Variants in NELL2 observed in about 807,000 individuals in gnomAD.
The protein encoded by NELL2 is protein kinase C-binding protein NELL2.
NELL2 carries 41 observed loss-of-function variants against 109.6 expected under a neutral mutation model. The ratio of observed to expected loss-of-function variants is 0.37; its 90% CI spans 0.29 to 0.49. The LOEUF (loss-of-function observed/expected upper bound fraction) is 0.49. Among genes scored for constraint, NELL2 ranks in the 20% least tolerant of loss-of-function variants. The pLI, the probability that NELL2 is intolerant of heterozygous loss-of-function variation, is 0.98. For synonymous variants in NELL2, 355 were observed against 344.7 expected (o/e 1.03, Z -0.33); for missense variants, 900 against 1,008.3 (o/e 0.89, Z 1.45).
intron 9 of NELL2, among the ~76,000 whole-genome samples, chr12:44,755,746 C>T (rs1940861324): frequency 6.6e-6 from 1 of 152,100 alleles, no homozygotes; most frequent in African/African-American, 2.4e-5. Flanking sequence ...CTGATGAGCC[C>T]TCAACTATCC....
At chr12:44,800,620 G>C (rs115538838) in intron 3 of NELL2, among the ~76,000 whole-genome samples, 2,199 of 152,238 alleles carry the variant, frequency 0.014, 50 homozygotes, top group African/African-American at 0.05. Context: ...CAAAGCCCCT[G>C]AATGTCCTAT....
intron 13 of NELL2, among the ~76,000 whole-genome samples, chr12:44,637,298 T>A (rs1051187480): frequency 2.6e-5 from 4 of 151,280 alleles, no homozygotes; most frequent in Non-Finnish European, 5.9e-5. Flanking sequence ...GCTTTTGAAT[T>A]TGTTTGCTCT....
chr12:44,606,945 T>C (rs1945427248), intron 15 of NELL2, among the ~76,000 whole-genome samples: 1 of 152,142 alleles, frequency 6.6e-6, no homozygotes, highest in Non-Finnish European at 1.5e-5. Context: ...AAGTTCAATA[T>C]GCGTCTAGTT....
chr12:44,828,336 G>A (rs1943780445), intron 2 of NELL2, among the ~76,000 whole-genome samples: 1 of 151,982 alleles, frequency 6.6e-6, no homozygotes, highest in African/African-American at 2.4e-5. Context: ...TACTGGTTTA[G>A]GAGAGAACAA....
At chr12:44,657,578 C>T (rs1198539377) in intron 13 of NELL2, among the ~76,000 whole-genome samples, 1 of 152,130 alleles carries the variant, frequency 6.6e-6, no homozygotes, top group Admixed American at 6.5e-5. Flanking sequence ...TTGCTGCACC[C>T]ATCAACCCGT....
chr12:44,844,998 C>G (rs1012417732), intron 2 of NELL2, among the ~76,000 whole-genome samples: 2 of 152,064 alleles, frequency 1.3e-5, no homozygotes, highest in South Asian at 4.1e-4. Context: ...TTTTACATAC[C>G]CTTTTAATCC....
In NELL2 at chr12:44,585,423, G is replaced by A. The variant is rs886827753; in HGVS notation, c.1663+21746C>T. Reference sequence around the variant, plus strand: ...TCGAGACCACCCTGGCCAACATGGCGAAACTCCTTCTTTACTAAAAATACA... The same window carrying A: ...TCGAGACCACCCTGGCCAACATGGCAAAACTCCTTCTTTACTAAAAATACA... On this transcript the variant is annotated intron_variant, in intron 15 of 19. Transcript: ENST00000429094. 1.4e-4 allele frequency among the ~76,000 whole-genome samples: 22 copies of A among 152,160 alleles called. No homozygotes were observed. The East Asian group carries it at 3.5e-3, about 24-fold the overall frequency.
intron 9 of NELL2, among the ~76,000 whole-genome samples, chr12:44,722,905 C>G (rs1252784302): frequency 6.6e-6 from 1 of 151,964 alleles, no homozygotes; most frequent in Non-Finnish European, 1.5e-5. Flanking sequence ...AATTCAATGC[C>G]TGGCCAGGCA....
At chr12:44,526,976 C>T (rs993470850) in intron 16 of NELL2, among the ~76,000 whole-genome samples, 3 of 152,192 alleles carry the variant, frequency 2.0e-5, no homozygotes, top group Non-Finnish European at 4.4e-5. Context: ...GTATTTAGAG[C>T]TACCTCTTGT....
At chr12:44,640,476 T>A (rs920884398) in intron 13 of NELL2, among the ~76,000 whole-genome samples, 1 of 152,218 alleles carries the variant, frequency 6.6e-6, no homozygotes, top group African/African-American at 2.4e-5. Context: ...AAGTAATTTA[T>A]TTTTCTCTAG....
At chr12:44,714,258 A>G (rs1355658537) in intron 10 of NELL2, among the ~76,000 whole-genome samples, 1 of 151,942 alleles carries the variant, frequency 6.6e-6, no homozygotes, top group Non-Finnish European at 1.5e-5. Flanking sequence ...AATTTTAGTT[A>G]GGTAATTTTT....
chr12:44,772,550 ATTTCCCTAAGGGGAAATATCTATGGC>A (rs2136577837), intron 9 of NELL2, among the ~76,000 whole-genome samples: 2 of 152,340 alleles, frequency 1.3e-5, no homozygotes, highest in South Asian at 4.1e-4. Context: ...CTAAATGCTT[ATTTCCCTAAGGGGAAATATCTATGGC>A]TGTTTACTGA....
At chr12:44,910,973 G>T (rs1029892432) in intron 1 of NELL2, among the ~76,000 whole-genome samples, 1 of 151,820 alleles carries the variant, frequency 6.6e-6, no homozygotes, top group African/African-American at 2.4e-5. Flanking sequence ...CATAAAGATG[G>T]CAATAATAGA....
upstream of NELL2, among the ~76,000 whole-genome samples, chr12:44,918,310 G>C (rs573395201): frequency 6.6e-6 from 1 of 152,202 alleles, no homozygotes; most frequent in East Asian, 1.9e-4. Context: ...AAATTGTTTT[G>C]CTAATGATCC....
chr12:44,595,899 T>G (rs370385373), intron 15 of NELL2, among the ~76,000 whole-genome samples: 54 of 152,332 alleles, frequency 3.5e-4, no homozygotes, highest in South Asian at 2.5e-3. Flanking sequence ...ATCAGCTGTT[T>G]GCTTGCCTCC....
chr12:44,600,699 T>C (rs998096408), intron 15 of NELL2, among the ~76,000 whole-genome samples: 11 of 152,212 alleles, frequency 7.2e-5, no homozygotes, highest in Non-Finnish European at 1.6e-4. Flanking sequence ...ACTATTTGAA[T>C]GGCAGAAAGC....
intron 12 of NELL2, among the ~76,000 whole-genome samples, chr12:44,669,207 A>T (rs1198402557): frequency 1.3e-5 from 2 of 152,258 alleles, no homozygotes; most frequent in Non-Finnish European, 2.9e-5. Context: ...AAAGCATCTT[A>T]CTAAACCAAC....
At chr12:44,715,603 C>G (rs1216282030) in intron 9 of NELL2, among the ~76,000 whole-genome samples, 1 of 151,984 alleles carries the variant, frequency 6.6e-6, no homozygotes, top group African/African-American at 2.4e-5. Flanking sequence ...AGATGCTGAA[C>G]TAAGTTCTCC....
chr12:44,851,518 G>T (rs1372934154), intron 2 of NELL2, among the ~76,000 whole-genome samples: 1 of 152,182 alleles, frequency 6.6e-6, no homozygotes, highest in East Asian at 1.9e-4. Flanking sequence ...GTATGATCTT[G>T]TTTCAATCCT....
Sources: gnomAD v4.1 joint callset for allele counts (sites outside exome capture counted in the v4.1 genomes callset) on GRCh38, gnomAD v4.1.1 for gene constraint, MANE v1.5 for transcripts, NCBI Gene and HGNC (gene_info 2026-07-23, HGNC 2026-07-21) for gene names.